Variants in CIMAP2 observed in about 807,000 individuals in gnomAD.
CIMAP2 encodes ciliary microtubule associated protein 2, also known as ciliary microtubule-associated protein 2.
the CIMAP2 span, chr1:54,811,840 A>T: frequency 6.2e-7 from 1 of 1,607,002 alleles, no homozygotes; most frequent in Non-Finnish European, 8.5e-7. Context: ...GGTAACCCAT[A>T]CACCAAGCTG....
chr1:54,827,797 T>C, the CIMAP2 span, among the ~76,000 whole-genome samples: 1 of 152,194 alleles, frequency 6.6e-6, no homozygotes, highest in East Asian at 1.9e-4. Flanking sequence ...CTTATTTATA[T>C]AAGGAAAAAT....
chr1:54,824,463 T>C, the CIMAP2 span, among the ~76,000 whole-genome samples: 1 of 152,210 alleles, frequency 6.6e-6, no homozygotes, highest in African/African-American at 2.4e-5. Context: ...TTTTCAGCTA[T>C]TATTTCATTA....
At chr1:54,838,568 T>C in the CIMAP2 span, among the ~76,000 whole-genome samples, 1 of 152,086 alleles carries the variant, frequency 6.6e-6, no homozygotes, top group Admixed American at 6.5e-5. Context: ...GTGAGGAAAC[T>C]GAGTAACTTT....
At chr1:54,811,779 A>AC in the CIMAP2 span, 14 of 286,566 alleles carry the variant, frequency 4.9e-5, no homozygotes, top group African/African-American at 6.0e-4. Flanking sequence ...CCATGCCCCC[A>AC]CCCCCGCCCC....
At chr1:54,818,529 T>C in the CIMAP2 span, among the ~76,000 whole-genome samples, 4 of 152,288 alleles carry the variant, frequency 2.6e-5, no homozygotes, top group East Asian at 7.7e-4. Context: ...TTGCTGTGGA[T>C]TGCTCTTTTC....
At chr1:54,818,302 G>A in the CIMAP2 span, among the ~76,000 whole-genome samples, 1 of 151,942 alleles carries the variant, frequency 6.6e-6, no homozygotes, top group African/African-American at 2.4e-5. Flanking sequence ...CCTCTCCTCT[G>A]TGTTCTGTCT....
At chr1:54,838,937 G>GC in the CIMAP2 span, among the ~76,000 whole-genome samples, 2 of 152,014 alleles carry the variant, frequency 1.3e-5, no homozygotes, top group Non-Finnish European at 1.5e-5. Context: ...GCAGGGATTG[G>GC]GGGGAGTAGA....
chr1:54,821,470 TG>T, the CIMAP2 span, among the ~76,000 whole-genome samples: 1 of 152,180 alleles, frequency 6.6e-6, no homozygotes, highest in Non-Finnish European at 1.5e-5. Flanking sequence ...TATTGCATGG[TG>T]TTAGAATAAT....
the CIMAP2 span, among the ~76,000 whole-genome samples, chr1:54,823,784 C>T: frequency 1 from 151,803 of 152,366 alleles, 75,625 homozygotes; most frequent in Middle Eastern, 1. Flanking sequence ...GTAGATGTCG[C>T]TCTTTCCCTT....
chr1:54,811,789 C>T, the CIMAP2 span: 3 of 1,588,830 alleles, frequency 1.9e-6, no homozygotes, highest in Non-Finnish European at 1.7e-6. Flanking sequence ...ACCCCCGCCC[C>T]ACAGAACTAC....
At chr1:54,811,658 A>T in the CIMAP2 span, 1 of 881,338 alleles carries the variant, frequency 1.1e-6, no homozygotes, top group Non-Finnish European at 1.8e-6. Flanking sequence ...TGTGTGTCAG[A>T]GGGCAGGTAG....
the CIMAP2 span, among the ~76,000 whole-genome samples, chr1:54,825,041 C>CT: frequency 8.4e-5 from 5 of 59,662 alleles, 1 homozygote; most frequent in East Asian, 4.8e-4. Flanking sequence ...TAGGGAATTA[C>CT]TTTTTTTTTT....
chr1:54,821,886 CTTTTTTTTTT>C, the CIMAP2 span, among the ~76,000 whole-genome samples: 3 of 66,550 alleles, frequency 4.5e-5, no homozygotes, highest in African/African-American at 1.2e-4. Context: ...CCTCTTATTT[CTTTTTTTTTT>C]TTTTTTTTTT....
chr1:54,841,741 A>AG, the CIMAP2 span: 1 of 1,589,698 alleles, frequency 6.3e-7, no homozygotes, highest in Non-Finnish European at 8.6e-7. Context: ...TCCAGGGATG[A>AG]GGAGCTCACT....
the CIMAP2 span, among the ~76,000 whole-genome samples, chr1:54,822,766 A>G: frequency 6.6e-6 from 1 of 152,162 alleles, no homozygotes; most frequent in Non-Finnish European, 1.5e-5. Context: ...TCAGCCTCTC[A>G]AAGTGCTGGG....
the CIMAP2 span, chr1:54,814,014 G>T: frequency 6.4e-7 from 1 of 1,553,160 alleles, no homozygotes; most frequent in Non-Finnish European, 8.7e-7. Context: ...TCTCTCGGAG[G>T]GCAGCTCTCC....
chr1:54,817,054 A>C, the CIMAP2 span: 1 of 1,614,182 alleles, frequency 6.2e-7, no homozygotes. Flanking sequence ...GGCGGCAGCG[A>C]TATCGATCCC....
At chr1:54,823,855 T>A in the CIMAP2 span, among the ~76,000 whole-genome samples, 33 of 152,246 alleles carry the variant, frequency 2.2e-4, no homozygotes, top group Non-Finnish European at 4.3e-4. Flanking sequence ...AATAATTCCC[T>A]GTTTTTGCTT....
chr1:54,807,570 C>G, the CIMAP2 span: 1 of 1,601,202 alleles, frequency 6.2e-7, no homozygotes, highest in Non-Finnish European at 8.5e-7. Flanking sequence ...AGACCTGCTT[C>G]AGCAAGAAGA....
Sources: gnomAD v4.1 joint callset for allele counts (sites outside exome capture counted in the v4.1 genomes callset) on GRCh38, gnomAD v4.1.1 for gene constraint, MANE v1.5 for transcripts, NCBI Gene and HGNC (gene_info 2026-07-23, HGNC 2026-07-21) for gene names.